Variants in C1QTNF1 observed in about 807,000 individuals in gnomAD.
C1QTNF1 encodes the protein complement C1q tumor necrosis factor-related protein 1.
Under a neutral mutation model 27.8 loss-of-function variants are expected in C1QTNF1, and 22 were observed. The ratio of observed to expected loss-of-function variants is 0.79; its 90% CI spans 0.56 to 1.13. C1QTNF1 has a LOEUF of 1.13. Ranked by LOEUF, C1QTNF1 falls within the 50% of genes most tolerant of loss-of-function variation. The pLI, the probability that C1QTNF1 is intolerant of heterozygous loss-of-function variation, is 0.00. For missense variants in C1QTNF1, 373 were observed against 380.2 expected (o/e 0.98, Z 0.16); for synonymous variants, 166 against 154.3 (o/e 1.08, Z -0.56).
chr17:79,029,730 C>A (rs1300031512), intron 1 of C1QTNF1, among the ~76,000 whole-genome samples: 2 of 152,226 alleles, frequency 1.3e-5, no homozygotes. Context: ...CAAAGACGAA[C>A]AAAGCCCCTC....
At chr17:79,047,238 C>CTTTTTTTTTTTTTTTTTT (rs372840829) in intron 3 of C1QTNF1, 1 of 261,836 alleles carries the variant, frequency 3.8e-6, no homozygotes, top group Non-Finnish European at 6.9e-6. Flanking sequence ...TTTTTCTTTT[C>CTTTTTTTTTTTTTTTTTT]TTTTTTTTTT....
At position 79,046,584 on chromosome 17, in the gene C1QTNF1, C is replaced by T. The variant is rs745653844; in HGVS notation, c.185C>T (p.Pro62Leu). The T allele has an allele frequency of 2.3e-5, 37 of 1,614,192 alleles. No homozygotes were observed. Among genetic ancestry groups the T allele is most frequent in the Non-Finnish European group, 3.1e-5 (37 of 1,180,032 alleles). Residue 62 changes from proline (P) to leucine (L), a missense_variant, in exon 3 of 4, where the codon CCC (proline) becomes CTC (leucine). Transcript: ENST00000579760. The surrounding 1 kb of genome is among the most constrained non-coding windows in gnomAD (Gnocchi z 4.8). ...RAEEQHEKYRPSQDQGLPASR... is the reference protein window; with the variant it reads ...RAEEQHEKYRLSQDQGLPASR... ...GAAGAACAACATGAAAAATACAGGCCCAGTCAGGACCAGGGGCTCCCTGCT... is the reference window on the plus strand; with the variant it reads ...GAAGAACAACATGAAAAATACAGGCTCAGTCAGGACCAGGGGCTCCCTGCT...
intron 1 of C1QTNF1, 48 bp from the exon 2 acceptor site, chr17:79,043,907 A>G (rs2072494713): frequency 4.4e-6 from 7 of 1,604,236 alleles, no homozygotes; most frequent in Non-Finnish European, 6.0e-6. Context: ...TTCTCTGTGC[A>G]GCTCCTTCCT....
At position 79,049,076 on chromosome 17, in the gene C1QTNF1, C is replaced by T. The variant is rs1218300488; in HGVS notation, c.*988C>T. ...AACACCTCAAGCAGCACTGCAGTCT[C>T]CCATCTCCTCGTGGGCTAAGCATCA... On this transcript the variant is annotated 3_prime_UTR_variant, in exon 4 of 4. Coordinates refer to ENST00000579760, the MANE Select transcript of C1QTNF1 (RefSeq NM_030968.5). This position sits in a 1 kb window ranked among gnomAD's most constrained non-coding sequence, Gnocchi z 4.4. The T allele has an allele frequency of 6.6e-6, 1 of 151,938 alleles. No homozygotes were observed. Among genetic ancestry groups the T allele is most frequent in the African/African-American group, 2.4e-5 (1 of 41,136 alleles). The allele number at this position is 151,938 out of a possible 1,614,324, so 9.4% of individuals were successfully genotyped here. A position where few individuals can be genotyped will look rare whatever the true frequency, so the allele number is the denominator to read the frequency against.
rs1375737422 is a variant in C1QTNF1 at position 79,049,122 on chromosome 17, T to A, written c.*1034T>A. The A allele has an allele frequency of 6.6e-6, 1 of 152,366 alleles. No homozygotes were observed. The highest frequency in any genetic ancestry group is 2.4e-5 in the African/African-American group (1 of 41,454). The allele number at this position is 152,366 out of a possible 1,614,324, so 9.4% of individuals were successfully genotyped here. The stretch of plus-strand genomic sequence containing the variant: ...CATCACCGCTTCCACGTGTGTTGTG[T>A]TGGTTGGCAGCAAGGCTGATCCAGA... On this transcript the variant is annotated 3_prime_UTR_variant, in exon 4 of 4. Transcript: ENST00000579760. This position sits in a 1 kb window ranked among gnomAD's most constrained non-coding sequence, Gnocchi z 4.4.
intron 1 of C1QTNF1, among the ~76,000 whole-genome samples, chr17:79,033,577 G>C (rs926314498): frequency 6.6e-6 from 1 of 151,858 alleles, no homozygotes; most frequent in Non-Finnish European, 1.5e-5. Context: ...GTGGTGGCAT[G>C]TGCTTGTAGT....
At chr17:79,040,412 G>A (rs1301876666) in intron 1 of C1QTNF1, among the ~76,000 whole-genome samples, 1 of 152,028 alleles carries the variant, frequency 6.6e-6, no homozygotes, top group Non-Finnish European at 1.5e-5. Context: ...CTACAGGGAG[G>A]CAGAGTGAGA....
chr17:79,048,141 A>C lies in C1QTNF1; in HGVS notation c.*53A>C, dbSNP rs1599313700. On this transcript the variant is annotated 3_prime_UTR_variant, in exon 4 of 4. Transcript: ENST00000579760. ...CACCTTCCACCCCTGCGCTGTGCTG[A>C]CCCCACCGCCTCTTCCCCGATCCCT... 2 of 1,431,868 alleles carry C rather than the reference A, an allele frequency of 1.4e-6. No individual in the cohort carries two copies. The highest frequency in any genetic ancestry group is 1.5e-5 in the South Asian group (1 of 68,924). 88.7% of individuals were successfully genotyped at this position (1,431,868 alleles called of 1,614,324 possible). A position where few individuals can be genotyped will look rare whatever the true frequency, so the allele number is the denominator to read the frequency against.
rs749309502 is a variant in C1QTNF1, at chr17:79,044,115, T to C, written c.147T>C (p.His49=). 9.3e-6 allele frequency: 15 copies of C among 1,607,398 alleles called. No homozygotes were observed. Among genetic ancestry groups the C allele is most frequent in the Non-Finnish European group, 1.3e-5 (15 of 1,176,034 alleles). The change falls in exon 2 of 4, where the codon CAT becomes CAC. Residue 49 remains histidine, a synonymous_variant. Transcript: ENST00000579760. ...GTEELPSPPD[H]AERAEEQHEK... is the part of the protein sequence containing the mutation. ...AGGAGCTGCCGTCGCCTCCGGACCA[T>C]GCCGAGAGGTGAGGGGCCACGAGGG...
At chr17:79,042,165 AAG>A (rs146018465) in intron 1 of C1QTNF1, among the ~76,000 whole-genome samples, 83 of 152,328 alleles carry the variant, frequency 5.4e-4, no homozygotes, top group East Asian at 1.9e-4. Context: ...TTGGTGAACA[AAG>A]AGGGGTTAGA....
chr17:79,043,230 G>A (rs771322326), intron 1 of C1QTNF1: 73 of 453,730 alleles, frequency 1.6e-4, no homozygotes, highest in Non-Finnish European at 1.9e-4. Flanking sequence ...GTGAATCTGT[G>A]TGCATGTGAT....
intron 3 of C1QTNF1, chr17:79,047,317 G>A (rs2072609896): frequency 2.4e-6 from 1 of 421,402 alleles, no homozygotes; most frequent in Non-Finnish European, 4.2e-6. Flanking sequence ...CCATCCTTGA[G>A]GTTGAGTCTG....
chr17:79,041,329 G>C (rs2145917248), intron 1 of C1QTNF1, among the ~76,000 whole-genome samples: 1 of 152,306 alleles, frequency 6.6e-6, no homozygotes, highest in East Asian at 1.9e-4. Context: ...GTGTAGGTAT[G>C]TGTGACAGGG....
Position 79,047,214 on chromosome 17 carries a change from G to A in C1QTNF1, c.296-324G>A, listed in dbSNP as rs898937816. Reference sequence around the variant, plus strand: ...CCATTGCTTTTGGACGAACCCGTATGTTCCATTTTCTTTTTTTTCTTTTCT... The same window carrying A: ...CCATTGCTTTTGGACGAACCCGTATATTCCATTTTCTTTTTTTTCTTTTCT... On this transcript the variant is annotated intron_variant, in intron 3 of 3. Coordinates refer to ENST00000579760, the MANE Select transcript of C1QTNF1 (RefSeq NM_030968.5). The A allele has an allele frequency of 1.9e-5, 6 of 318,782 alleles. No homozygotes were observed. The Admixed American group carries it at 2.2e-4, about 12-fold the overall frequency. 19.7% of individuals were successfully genotyped at this position (318,782 alleles called of 1,614,324 possible).
At chr17:79,041,030 TTAA>T (rs975124241) in intron 1 of C1QTNF1, among the ~76,000 whole-genome samples, 1 of 152,250 alleles carries the variant, frequency 6.6e-6, no homozygotes, top group African/African-American at 2.4e-5. Flanking sequence ...ATAAAAATTA[TTAA>T]TGAGGAAATG....
At chr17:79,037,848 T>G (rs2072300917) in intron 1 of C1QTNF1, among the ~76,000 whole-genome samples, 1 of 152,100 alleles carries the variant, frequency 6.6e-6, no homozygotes, top group Admixed American at 6.5e-5. Context: ...ATTTTTGTGT[T>G]TTTGGTAGAG....
chr17:79,033,370 C>T (rs368420521), intron 1 of C1QTNF1, among the ~76,000 whole-genome samples: 8 of 152,140 alleles, frequency 5.3e-5, no homozygotes, highest in Admixed American at 2.0e-4. Context: ...GTGGTGGGGA[C>T]ATGGAATGGG....
chr17:79,023,728 A>G (rs1356424930), upstream of C1QTNF1, among the ~76,000 whole-genome samples: 1 of 152,058 alleles, frequency 6.6e-6, no homozygotes, highest in Non-Finnish European at 1.5e-5. Flanking sequence ...ACACACACAC[A>G]CACACACACA....
At chr17:79,040,406 A>T (rs1456704743) in intron 1 of C1QTNF1, among the ~76,000 whole-genome samples, 1 of 152,006 alleles carries the variant, frequency 6.6e-6, no homozygotes, top group Admixed American at 6.6e-5. Flanking sequence ...TTGAGGCTAC[A>T]GGGAGGCAGA....
Sources: allele counts gnomAD v4.1 joint callset (sites outside exome capture counted in the v4.1 genomes callset), GRCh38; gene constraint gnomAD v4.1.1; non-coding constraint Gnocchi (gnomAD v3.1); transcripts MANE v1.5; gene names NCBI Gene and HGNC (gene_info 2026-07-23, HGNC 2026-07-21).